The following LINGO2 variants were observed in gnomAD, a reference collection of about 807,000 sequenced individuals.
LINGO2 encodes leucine-rich repeat and immunoglobulin-like domain-containing nogo receptor-interacting protein 2.
Under a neutral mutation model 30.6 loss-of-function variants are expected in LINGO2, and 14 were observed. The observed-to-expected ratio is 0.46, with a 90% CI of 0.30 to 0.72. The LOEUF (loss-of-function observed/expected upper bound fraction) is 0.72. LINGO2 is among the 30% of genes least tolerant of loss of function. The probability of loss-of-function intolerance (pLI) is 0.07; values close to 1 mark genes in which losing one functional copy is unlikely to be tolerated. For synonymous variants in LINGO2, 317 were observed against 288.5 expected, an observed-to-expected ratio of 1.10 and a Z score of -1.00; for missense variants, 729 against 751.7, an observed-to-expected ratio of 0.97 and a Z score of 0.35.
At chr9:28,269,742 A>T (rs763990904) in intron 4 of LINGO2, among the ~76,000 whole-genome samples, 5 of 152,114 alleles carry the variant, frequency 3.3e-5, no homozygotes, top group African/African-American at 4.8e-5. Context: ...CCCCAATTTC[A>T]TCAGCGTAGC....
chr9:28,609,194 A>G (rs1424613519), intron 1 of LINGO2, among the ~76,000 whole-genome samples: 2 of 150,000 alleles, frequency 1.3e-5, no homozygotes, highest in East Asian at 3.9e-4. Flanking sequence ...AAAATATTCG[A>G]GGAAAGTAAA....
intron 4 of LINGO2, among the ~76,000 whole-genome samples, chr9:28,037,451 C>T (rs570658243): frequency 6.6e-6 from 1 of 151,964 alleles, no homozygotes; most frequent in South Asian, 2.1e-4. Context: ...TTCAACTCTT[C>T]AGCTAATCTT....
chr9:28,492,360 A>C (rs1826433010), intron 1 of LINGO2, among the ~76,000 whole-genome samples: 2 of 152,270 alleles, frequency 1.3e-5, no homozygotes, highest in Admixed American at 6.5e-5. Flanking sequence ...TATGCTGAAA[A>C]CCTGAAAGCT....
intron 4 of LINGO2, among the ~76,000 whole-genome samples, chr9:28,207,384 G>A (rs1820444899): frequency 6.6e-6 from 1 of 152,030 alleles, no homozygotes; most frequent in South Asian, 2.1e-4. Flanking sequence ...TACATAAATT[G>A]TAGCAGATTT....
chr9:28,848,629 G>T, the LINGO2 span, among the ~76,000 whole-genome samples: 326 of 150,794 alleles, frequency 2.2e-3, 3 homozygotes, highest in African/African-American at 7.5e-3. Context: ...GTTATATCAA[G>T]TCAATGGTTT....
chr9:27,966,994 T>G (rs997969334), intron 5 of LINGO2, among the ~76,000 whole-genome samples: 4 of 152,194 alleles, frequency 2.6e-5, no homozygotes, highest in African/African-American at 9.6e-5. Flanking sequence ...AAAACTGGAC[T>G]CTTTGAAGTG....
At chr9:28,287,674 A>C (rs1823565599) in intron 4 of LINGO2, among the ~76,000 whole-genome samples, 1 of 152,182 alleles carries the variant, frequency 6.6e-6, no homozygotes, top group Non-Finnish European at 1.5e-5. Context: ...GAGAGAAAAA[A>C]GTCTCAAAAG....
the LINGO2 span, among the ~76,000 whole-genome samples, chr9:29,207,378 A>C: frequency 1.3e-5 from 2 of 151,978 alleles, no homozygotes; most frequent in Non-Finnish European, 2.9e-5. Context: ...CTAGTAGATA[A>C]GTATCTTGCA....
At chr9:28,264,310 G>A (rs1387569379) in intron 4 of LINGO2, among the ~76,000 whole-genome samples, 6 of 151,882 alleles carry the variant, frequency 4.0e-5, no homozygotes, top group Admixed American at 3.3e-4. Flanking sequence ...CAGGAAAAAA[G>A]GGGGTACAAT....
the LINGO2 span, among the ~76,000 whole-genome samples, chr9:28,677,158 A>G: frequency 6.6e-6 from 1 of 152,172 alleles, no homozygotes; most frequent in Non-Finnish European, 1.5e-5. Context: ...GCACAGAGGG[A>G]TTAACTAACC....
intron 4 of LINGO2, among the ~76,000 whole-genome samples, chr9:28,098,329 C>CAA (rs202030892): frequency 8.7e-5 from 13 of 149,328 alleles, no homozygotes; most frequent in Non-Finnish European, 1.8e-4. Context: ...AAACAAAAAG[C>CAA]AAAAAAAAAC....
At chr9:27,997,100 T>C (rs568419467) in intron 5 of LINGO2, among the ~76,000 whole-genome samples, 12 of 152,304 alleles carry the variant, frequency 7.9e-5, no homozygotes, top group African/African-American at 2.9e-4. Context: ...TACAATACCA[T>C]CAGTTACTTC....
the LINGO2 span, among the ~76,000 whole-genome samples, chr9:28,794,291 C>G: frequency 6.6e-6 from 1 of 152,128 alleles, no homozygotes. Flanking sequence ...GCGACAGAGT[C>G]AGACTCCGTC....
the LINGO2 span, among the ~76,000 whole-genome samples, chr9:28,718,557 C>G: frequency 6.6e-6 from 1 of 152,020 alleles, no homozygotes; most frequent in African/African-American, 2.4e-5. Context: ...AGCTTTATCT[C>G]TCTGAAATCC....
chr9:29,075,142 C>T, the LINGO2 span, among the ~76,000 whole-genome samples: 45 of 152,164 alleles, frequency 3.0e-4, no homozygotes, highest in African/African-American at 1.0e-3. Context: ...TTACTTAGTT[C>T]TGAAAACACA....
At chr9:29,008,907 A>T in the LINGO2 span, among the ~76,000 whole-genome samples, 1 of 152,222 alleles carries the variant, frequency 6.6e-6, no homozygotes, top group Admixed American at 6.5e-5. Flanking sequence ...GTAATCCAGC[A>T]TATAAACAGA....
chr9:28,125,563 C>T (rs1018454859), intron 4 of LINGO2, among the ~76,000 whole-genome samples: 35 of 152,120 alleles, frequency 2.3e-4, no homozygotes, highest in African/African-American at 8.5e-4. Flanking sequence ...TTAGACCCAA[C>T]CTTATGAACA....
At chr9:28,197,860 A>AT (rs1554686103) in intron 4 of LINGO2, among the ~76,000 whole-genome samples, 1 of 149,916 alleles carries the variant, frequency 6.7e-6, no homozygotes, top group Non-Finnish European at 1.5e-5. Flanking sequence ...GAAAATTTGC[A>AT]TTAAAAAAAA....
At chr9:28,809,215 C>A in the LINGO2 span, among the ~76,000 whole-genome samples, 3 of 152,084 alleles carry the variant, frequency 2.0e-5, no homozygotes, top group African/African-American at 7.2e-5. Context: ...TTTACATGTA[C>A]CAAAGTTCTT....
Sources: allele counts gnomAD v4.1 joint callset (sites outside exome capture counted in the v4.1 genomes callset), GRCh38; gene constraint gnomAD v4.1.1; transcripts MANE v1.5; gene names NCBI Gene and HGNC (gene_info 2026-07-23, HGNC 2026-07-21).